The following HYDIN variants were observed in gnomAD, a reference collection of about 807,000 sequenced individuals.
HYDIN encodes the protein HYDIN axonemal central pair apparatus protein.
HYDIN carries 132 observed loss-of-function variants against 403.9 expected under a neutral mutation model. The ratio of observed to expected loss-of-function variants is 0.33; its 90% CI spans 0.28 to 0.38. The LOEUF is 0.38. Among genes scored for constraint, HYDIN ranks in the 10% least tolerant of loss-of-function variants. HYDIN has a pLI of 1.00. For missense variants in HYDIN, 2,827 were observed against 5,009.5 expected, an observed-to-expected ratio of 0.56 and a Z score of 13.15; for synonymous variants, 1,202 against 1,891.7, an observed-to-expected ratio of 0.64 and a Z score of 9.46.
In HYDIN at chr16:71,069,342, G is replaced by C; in HGVS notation, c.1899C>G (p.Ser633=). 6.2e-7 allele frequency: 1 copy of C among 1,614,038 alleles called. No homozygotes were observed. Among genetic ancestry groups the C allele is most frequent in the Non-Finnish European group, 8.5e-7 (1 of 1,180,008 alleles). The change falls in exon 14 of 86, where the codon TCC becomes TCG. Residue 633 remains serine, a synonymous_variant. Coordinates refer to ENST00000393567, the MANE Select transcript of HYDIN (RefSeq NM_001270974.2). ...KRPSWTKEEI[S]SMKPKEFTIS... is the part of the protein sequence containing the mutation. The stretch of plus-strand genomic sequence containing the variant: ...TGGTGAATTCTTTTGGTTTCATTGA[G>C]GATATTTCTTCCTTGGTCCAAGATG...
chr16:70,979,901 G>A (rs1193540178), intron 29 of HYDIN, among the ~76,000 whole-genome samples: 1 of 152,006 alleles, frequency 6.6e-6, no homozygotes, highest in African/African-American at 2.4e-5. Flanking sequence ...TCCAGCCTGG[G>A]TGACAGAGCA....
At chr16:70,888,733 C>T (rs962454344) in intron 58 of HYDIN, among the ~76,000 whole-genome samples, 3 of 152,140 alleles carry the variant, frequency 2.0e-5, no homozygotes, top group Non-Finnish European at 2.9e-5. Context: ...CCTTCTCCGA[C>T]GCCACCCTGG....
intron 52 of HYDIN, among the ~76,000 whole-genome samples, chr16:70,902,821 A>ATATATTTTTTTTT: frequency 1.9e-4 from 9 of 47,304 alleles, no homozygotes; most frequent in Admixed American, 7.6e-4. Context: ...ATATATATAT[A>ATATATTTTTTTTT]TTTTTTTTTT....
intron 1 of HYDIN, among the ~76,000 whole-genome samples, chr16:71,222,405 C>A (rs2040844571): frequency 1.3e-5 from 2 of 152,052 alleles, no homozygotes; most frequent in Admixed American, 1.3e-4. Context: ...AGTTGAAAGC[C>A]TTCCCTGTGA....
At chr16:70,937,581 G>C (rs2077531465) in intron 44 of HYDIN, among the ~76,000 whole-genome samples, 1 of 140,300 alleles carries the variant, frequency 7.1e-6, no homozygotes, top group Non-Finnish European at 1.6e-5. Flanking sequence ...CTTGAACCCA[G>C]GAGGTGGAGG....
At chr16:70,966,797 A>G (rs1476790770) in intron 36 of HYDIN, among the ~76,000 whole-genome samples, 1 of 152,168 alleles carries the variant, frequency 6.6e-6, no homozygotes, top group Non-Finnish European at 1.5e-5. Flanking sequence ...CCACCAGAGA[A>G]TGAGCTGTAG....
intron 72 of HYDIN, among the ~76,000 whole-genome samples, chr16:70,856,634 C>A (rs547944927): frequency 5.8e-4 from 88 of 152,074 alleles, no homozygotes; most frequent in Middle Eastern, 3.4e-3. Context: ...CATGGTTGTT[C>A]TTCTTTAATC....
intron 23 of HYDIN, among the ~76,000 whole-genome samples, chr16:71,007,068 G>A (rs76609184): frequency 1.6e-5 from 2 of 126,888 alleles, no homozygotes; most frequent in African/African-American, 5.9e-5. Context: ...CCCTGCCTCC[G>A]TCCCTCCCTT....
rs954959395 is a variant in HYDIN at position 70,902,829 on chromosome 16, T to A, written c.8849+796A>T. Among the ~76,000 whole-genome samples, 273 of 126,014 alleles carry A rather than the reference T, an allele frequency of 2.2e-3. 1 individual carries two copies. Among genetic ancestry groups the A allele is most frequent in the South Asian group, 9.4e-3 (38 of 4,022 alleles). 82.7% of individuals were successfully genotyped at this position (126,014 alleles called of 152,430 possible). A position where few individuals can be genotyped will look rare whatever the true frequency, so the allele number is the denominator to read the frequency against. ...TATATATATATATATATATTTTTTT[T>A]TTTTTTTTTGTCCCACTCTCTCTCT... On this transcript the variant is annotated intron_variant, in intron 52 of 85. Transcript: ENST00000393567.
intron 11 of HYDIN, among the ~76,000 whole-genome samples, chr16:71,093,225 T>C (rs984383068): frequency 3.3e-5 from 5 of 152,210 alleles, no homozygotes; most frequent in African/African-American, 1.2e-4. Flanking sequence ...TAGATACAAA[T>C]TTAGTGATGG....
intron 18 of HYDIN, among the ~76,000 whole-genome samples, chr16:71,059,576 C>G (rs368964951): frequency 2.4e-4 from 36 of 151,628 alleles, no homozygotes; most frequent in African/African-American, 8.5e-4. Context: ...AACACAGGAA[C>G]AGAAAACCAA....
intron 60 of HYDIN, among the ~76,000 whole-genome samples, chr16:70,880,214 A>G (rs572194460): frequency 7.8e-6 from 1 of 127,520 alleles, no homozygotes; most frequent in African/African-American, 3.7e-5. Context: ...GTGTGCCACT[A>G]TGCCCAGCTA....
At chr16:70,904,810 G>A (rs2076490434) in intron 50 of HYDIN, among the ~76,000 whole-genome samples, 2 of 151,280 alleles carry the variant, frequency 1.3e-5, no homozygotes, top group Middle Eastern at 3.4e-3. Flanking sequence ...CCTCACTTGA[G>A]TAATTTTTTA....
At chr16:71,188,578 AT>A (rs2087270456) in intron 1 of HYDIN, among the ~76,000 whole-genome samples, 1 of 152,222 alleles carries the variant, frequency 6.6e-6, no homozygotes, top group Non-Finnish European at 1.5e-5. Context: ...TGTAACAGTT[AT>A]TATTATCTAT....
At chr16:70,923,804 G>A (rs572761531) in intron 45 of HYDIN, among the ~76,000 whole-genome samples, 1 of 143,390 alleles carries the variant, frequency 7.0e-6, no homozygotes, top group East Asian at 2.0e-4. Context: ...CTCGGCGACA[G>A]AGCAAGACTC....
At chr16:71,049,115 G>C (rs2144224810) in intron 18 of HYDIN, among the ~76,000 whole-genome samples, 1 of 152,408 alleles carries the variant, frequency 6.6e-6, no homozygotes, top group East Asian at 1.9e-4. Flanking sequence ...GCCACAAGTA[G>C]AACAGAAACA....
At chr16:70,884,875 T>C (rs1798443) in intron 58 of HYDIN, among the ~76,000 whole-genome samples, 44,349 of 130,708 alleles carry the variant, frequency 0.34, 4,579 homozygotes, top group African/African-American at 0.58. Context: ...TGTTCTCATC[T>C]TTCCTAGAAC....
intron 64 of HYDIN, among the ~76,000 whole-genome samples, chr16:70,872,561 TCCC>T (rs745786854): frequency 2.9e-4 from 35 of 120,328 alleles, no homozygotes; most frequent in Non-Finnish European, 5.1e-4. Context: ...CCATCCACCC[TCCC>T]CCATCCTGCC....
chr16:70,862,920 G>GCTT (rs2039501140), intron 68 of HYDIN, among the ~76,000 whole-genome samples, 165 bp downstream of exon 68: 1 of 151,856 alleles, frequency 6.6e-6, no homozygotes, highest in Non-Finnish European at 1.5e-5. Flanking sequence ...GTAAGTTTTG[G>GCTT]AGTCCCTCAG....
Sources: allele counts gnomAD v4.1 joint callset (sites outside exome capture counted in the v4.1 genomes callset), GRCh38; gene constraint gnomAD v4.1.1; transcripts MANE v1.5; gene names NCBI Gene and HGNC (gene_info 2026-07-23, HGNC 2026-07-21).